The following FBXO31 variants were observed in gnomAD, a reference collection of about 807,000 sequenced individuals.
The protein encoded by FBXO31 is F-box protein 31, also known as F-box only protein 31.
FBXO31 carries 24 observed loss-of-function variants against 54.4 expected under a neutral mutation model. The observed-to-expected ratio is 0.44, with a 90% CI of 0.32 to 0.62. The LOEUF (loss-of-function observed/expected upper bound fraction) is 0.62, where lower values mean the gene tolerates loss of function less well. Ranked by LOEUF, FBXO31 falls within the 20% of genes least tolerant of loss-of-function variation. FBXO31 has a pLI of 0.05. For synonymous variants in FBXO31, 388 were observed against 335.6 expected, an observed-to-expected ratio of 1.16 and a Z score of -1.71; for missense variants, 665 against 787.1, an observed-to-expected ratio of 0.84 and a Z score of 1.86.
chr16:87,369,429 A>G (rs888605967), intron 1 of FBXO31, among the ~76,000 whole-genome samples: 1 of 152,178 alleles, frequency 6.6e-6, no homozygotes, highest in African/African-American at 2.4e-5. Flanking sequence ...TCCAAGTGGA[A>G]GCATGCCGTA....
chr16:87,353,770 G>A (rs894953819), intron 2 of FBXO31, among the ~76,000 whole-genome samples: 6 of 151,802 alleles, frequency 4.0e-5, no homozygotes, highest in African/African-American at 1.2e-4. Flanking sequence ...TGTGAGAGGC[G>A]GGAAGGAGGC....
At chr16:87,360,196 A>G in intron 2 of FBXO31, 99 bp downstream of exon 2, 2 of 1,167,778 alleles carry the variant, frequency 1.7e-6, no homozygotes, top group South Asian at 2.5e-5. Context: ...TGAGAAAACA[A>G]AAGTGTGGAC....
rs117909979 is a variant in FBXO31, at chr16:87,337,197, C to T, written c.733-933G>A. ...TTTAAAAAAATTCTATGTACAAAAT[C>T]CTCAAAAAAACATAAGACTTGGGAA... is the stretch of plus-strand genomic sequence containing the variant. On this transcript the variant is annotated intron_variant, in intron 5 of 8. Transcript: ENST00000311635. Among the ~76,000 whole-genome samples the T allele has an allele frequency of 3.3e-3, 510 of 152,248 alleles. 3 individuals are homozygous for T. Among genetic ancestry groups the T allele is most frequent in the Non-Finnish European group, 6.5e-3 (443 of 68,016 alleles).
At chr16:87,373,329 G>A (rs1488956242) in intron 1 of FBXO31, among the ~76,000 whole-genome samples, 1 of 151,996 alleles carries the variant, frequency 6.6e-6, no homozygotes, top group Non-Finnish European at 1.5e-5. Flanking sequence ...TCGGGTGCCT[G>A]TAGTCCCAGC....
chr16:87,341,992 G>A lies in FBXO31; in HGVS notation c.732+885C>T, dbSNP rs559696122. Among the ~76,000 whole-genome samples the A allele has an allele frequency of 7.9e-5, 12 of 152,270 alleles. No homozygotes were observed. The South Asian group carries it at 2.3e-3, about 29-fold the overall frequency. ...TTTGGGAGGTCAAGGTGGGAAGACG[G>A]CTTGAGCCCAGGAGTTTGTGACCAG... On this transcript the variant is annotated intron_variant, in intron 5 of 8. Coordinates refer to ENST00000311635, the MANE Select transcript of FBXO31 (RefSeq NM_024735.5).
chr16:87,378,011 T>G (rs533773432), intron 1 of FBXO31, among the ~76,000 whole-genome samples: 76 of 151,724 alleles, frequency 5.0e-4, no homozygotes, highest in African/African-American at 1.8e-3. Context: ...TACAAAAAAT[T>G]AGCCAAGCAT....
intron 2 of FBXO31, among the ~76,000 whole-genome samples, chr16:87,347,815 GAATAAGACAGA>G (rs1283574097): frequency 3.3e-5 from 5 of 152,150 alleles, no homozygotes; most frequent in Non-Finnish European, 2.9e-5. Flanking sequence ...TCTCTTCTAG[GAATAAGACAGA>G]AGACGTGCAA....
intron 7 of FBXO31, among the ~76,000 whole-genome samples, chr16:87,334,521 A>G (rs1904980927): frequency 6.6e-6 from 1 of 152,220 alleles, no homozygotes; most frequent in African/African-American, 2.4e-5. Flanking sequence ...CTGCGCCCAG[A>G]GAAGTTCAAA....
chr16:87,365,043 G>C (rs1466577557), intron 1 of FBXO31, among the ~76,000 whole-genome samples: 1 of 40,746 alleles, frequency 2.5e-5, no homozygotes, highest in Non-Finnish European at 4.4e-5. Flanking sequence ...ATATATATCA[G>C]GCAGGCCACC....
intron 2 of FBXO31, among the ~76,000 whole-genome samples, chr16:87,356,648 C>G (rs1299327910): frequency 6.6e-6 from 1 of 152,220 alleles, no homozygotes; most frequent in African/African-American, 2.4e-5. Context: ...CTCAGTAAAG[C>G]GGGACCCAGT....
chr16:87,364,039 C>T (rs1031810060), intron 1 of FBXO31, among the ~76,000 whole-genome samples: 4 of 152,190 alleles, frequency 2.6e-5, no homozygotes, highest in Non-Finnish European at 4.4e-5. Context: ...GTGAGAGCTG[C>T]GGCCGCAGGC....
At chr16:87,391,829 G>T, upstream of FBXO31, 1 of 152,466 alleles carries the variant, frequency 6.6e-6, no homozygotes, top group Non-Finnish European at 1.5e-5. Context: ...GCCTCCCGGA[G>T]ACGGCGCGGC....
intron 2 of FBXO31, among the ~76,000 whole-genome samples, chr16:87,356,099 G>A (rs979559650): frequency 2.7e-4 from 41 of 151,966 alleles, no homozygotes; most frequent in African/African-American, 9.2e-4. Flanking sequence ...CGTGGTGGCA[G>A]GCGCCTGGAG....
chr16:87,329,340 G>A lies in FBXO31; in HGVS notation c.*1948C>T, dbSNP rs1176860516. ...ACCCAAACACTGGAAGCGTAATTGA[G>A]ATCTGAGATTCCTTTAATCAGAAGC... is the stretch of plus-strand genomic sequence containing the variant. On this transcript the variant is annotated 3_prime_UTR_variant, in exon 9 of 9. Coordinates refer to ENST00000311635, the MANE Select transcript of FBXO31 (RefSeq NM_024735.5). The A allele has an allele frequency of 6.6e-6, 1 of 152,324 alleles. No homozygotes were observed. The highest frequency in any genetic ancestry group is 1.5e-5 in the Non-Finnish European group (1 of 68,084). The allele number at this position is 152,324 out of a possible 1,614,324, so 9.4% of individuals were successfully genotyped here.
Position 87,331,399 on chromosome 16 carries a change from C to T in FBXO31, c.1509G>A (p.Leu503=). The part of the protein sequence containing the change: ...EDRFGFVWLE[L]KSFSLYSRVQ... ...CCCGGCTGTACAGGCTGAAGGATTTCAGCTCCAGCCAGACGAACCCGAAGC... is the reference window on the plus strand; with the variant it reads ...CCCGGCTGTACAGGCTGAAGGATTTTAGCTCCAGCCAGACGAACCCGAAGC... The change falls in exon 9 of 9, where the codon CTG becomes CTA. Residue 503 remains leucine (L), a synonymous_variant. Coordinates refer to ENST00000311635, the MANE Select transcript of FBXO31 (RefSeq NM_024735.5). The T allele has an allele frequency of 4.3e-6, 7 of 1,613,906 alleles. No individual in the cohort carries two copies. Among genetic ancestry groups the T allele is most frequent in the Non-Finnish European group, 5.9e-6 (7 of 1,180,026 alleles).
At chr16:87,370,083 G>T (rs1443545027) in intron 1 of FBXO31, among the ~76,000 whole-genome samples, 1 of 152,208 alleles carries the variant, frequency 6.6e-6, no homozygotes, top group African/African-American at 2.4e-5. Flanking sequence ...GCACAGGCCT[G>T]AATGGGGCCT....
intron 1 of FBXO31, among the ~76,000 whole-genome samples, chr16:87,371,088 A>C (rs1054040459): frequency 1.3e-5 from 2 of 151,924 alleles, no homozygotes; most frequent in African/African-American, 2.4e-5. Context: ...ATCTGCAAAC[A>C]CTCCCACAGC....
intron 5 of FBXO31, among the ~76,000 whole-genome samples, chr16:87,341,299 T>C (rs1008153865): frequency 3.3e-5 from 5 of 152,194 alleles, no homozygotes; most frequent in Non-Finnish European, 7.3e-5. Context: ...GTTTTCTTTT[T>C]TAAGGGCTCA....
chr16:87,335,195 T>C lies in FBXO31; in HGVS notation c.996+109A>G, dbSNP rs560858524. On this transcript the variant is annotated intron_variant, in intron 7 of 8. Coordinates refer to ENST00000311635, the MANE Select transcript of FBXO31 (RefSeq NM_024735.5). This position sits in a 1 kb window ranked among gnomAD's most constrained non-coding sequence, Gnocchi z 5.7. ...CGGGGCTGCAGGTGCAAGCCCACTC[T>C]GAGGAGCAAGGGTGCCGGGGATCAG... is the stretch of plus-strand genomic sequence containing the variant. The C allele has an allele frequency of 2.4e-5, 37 of 1,516,300 alleles. 1 individual carries two copies. The South Asian group carries it at 4.0e-4, about 16-fold the overall frequency. 93.9% of individuals were successfully genotyped at this position (1,516,300 alleles called of 1,614,324 possible).
Sources: gnomAD v4.1 joint callset for allele counts (sites outside exome capture counted in the v4.1 genomes callset) on GRCh38, gnomAD v4.1.1 for gene constraint, Gnocchi (gnomAD v3.1) non-coding constraint, MANE v1.5 for transcripts, NCBI Gene and HGNC (gene_info 2026-07-23, HGNC 2026-07-21) for gene names.